TRHDE: variants seen among roughly 807,000 people sequenced by gnomAD.
TRHDE encodes the protein thyrotropin-releasing hormone-degrading ectoenzyme.
Under a neutral mutation model 125.7 loss-of-function variants are expected in TRHDE, and 72 were observed. The observed-to-expected ratio is 0.57, with a 90% CI of 0.47 to 0.70. The LOEUF is 0.70. TRHDE is among the 30% of genes least tolerant of loss of function. TRHDE has a pLI of 0.00. For missense variants in TRHDE, 1,110 were observed against 1,327.1 expected (o/e 0.84, Z 2.54); for synonymous variants, 509 against 509.1 (o/e 1.00, Z 0.00).
At chr12:72,640,377 T>C (rs932436608) in intron 15 of TRHDE, among the ~76,000 whole-genome samples, 4 of 152,206 alleles carry the variant, frequency 2.6e-5, no homozygotes, top group Admixed American at 2.0e-4. Context: ...GCACGGTGCG[T>C]GCACCCACTG....
At chr12:72,637,917 C>T (rs1873839599) in intron 15 of TRHDE, among the ~76,000 whole-genome samples, 2 of 152,090 alleles carry the variant, frequency 1.3e-5, no homozygotes, top group South Asian at 4.1e-4. Flanking sequence ...GAGAGCTTTA[C>T]TTCCAAGTAT....
At chr12:72,642,038 A>G (rs1029387650) in intron 15 of TRHDE, among the ~76,000 whole-genome samples, 2 of 152,192 alleles carry the variant, frequency 1.3e-5, no homozygotes, top group Admixed American at 6.5e-5. Flanking sequence ...TGTTTCTGCC[A>G]CGTGAGAATG....
intron 4 of TRHDE, among the ~76,000 whole-genome samples, chr12:72,471,339 C>T (rs557723186): frequency 2.6e-5 from 4 of 152,022 alleles, no homozygotes; most frequent in South Asian, 2.1e-4. Flanking sequence ...TGGTTTTGAC[C>T]GAATATCATG....
At chr12:72,296,938 T>G (rs2135680961) in intron 2 of TRHDE, among the ~76,000 whole-genome samples, 1 of 152,270 alleles carries the variant, frequency 6.6e-6, no homozygotes, top group Admixed American at 6.5e-5. Flanking sequence ...TCCAAGGAGC[T>G]TTAGATTATG....
At chr12:72,616,685 C>T (rs566304734) in intron 12 of TRHDE, among the ~76,000 whole-genome samples, 20 of 152,100 alleles carry the variant, frequency 1.3e-4, no homozygotes, top group Middle Eastern at 3.4e-3. Context: ...TTATGGGAAA[C>T]GAGATTCAAG....
chr12:72,497,007 C>A (rs1339785015), intron 5 of TRHDE, among the ~76,000 whole-genome samples: 1 of 152,086 alleles, frequency 6.6e-6, no homozygotes, highest in Non-Finnish European at 1.5e-5. Context: ...ATTAGCTATT[C>A]TGGGCTTTGT....
chr12:72,485,746 A>G (rs1325873644), intron 5 of TRHDE, among the ~76,000 whole-genome samples: 1 of 152,126 alleles, frequency 6.6e-6, no homozygotes, highest in Non-Finnish European at 1.5e-5. Flanking sequence ...TGGGGCTGAG[A>G]AGATGTAACA....
intron 2 of TRHDE, among the ~76,000 whole-genome samples, chr12:72,109,576 G>T (rs745523390): frequency 6.6e-6 from 1 of 151,926 alleles, no homozygotes; most frequent in Non-Finnish European, 1.5e-5. Flanking sequence ...TTTCTCTAGT[G>T]GTGACAAAAT....
intron 2 of TRHDE, among the ~76,000 whole-genome samples, chr12:72,171,615 A>G (rs1476708259): frequency 2.0e-5 from 3 of 152,120 alleles, no homozygotes. Context: ...GTTGCTGCCT[A>G]GAAGTTGTCA....
intron 2 of TRHDE, among the ~76,000 whole-genome samples, chr12:72,199,756 A>T (rs1366104025): frequency 1.3e-5 from 2 of 152,182 alleles, no homozygotes; most frequent in Non-Finnish European, 2.9e-5. Context: ...TTTGTTCATT[A>T]TTCATTCAGT....
At chr12:72,489,774 G>A (rs570272854) in intron 5 of TRHDE, among the ~76,000 whole-genome samples, 1 of 151,676 alleles carries the variant, frequency 6.6e-6, no homozygotes, top group African/African-American at 2.4e-5. Flanking sequence ...ATGGTGCTGA[G>A]AAAGCTAGAT....
At chr12:72,511,812 C>G (rs1037168709) in intron 6 of TRHDE, among the ~76,000 whole-genome samples, 1 of 152,076 alleles carries the variant, frequency 6.6e-6, no homozygotes, top group Non-Finnish European at 1.5e-5. Context: ...GCACTTCTCC[C>G]CATTATATGT....
chr12:72,616,056 G>T (rs1872799871), intron 12 of TRHDE, among the ~76,000 whole-genome samples: 1 of 152,150 alleles, frequency 6.6e-6, no homozygotes, highest in Non-Finnish European at 1.5e-5. Context: ...CAAAGAAGAA[G>T]AGAAGAGCAT....
chr12:72,536,765 G>C (rs1212800019), intron 6 of TRHDE, among the ~76,000 whole-genome samples: 3 of 151,916 alleles, frequency 2.0e-5, no homozygotes, highest in Non-Finnish European at 4.4e-5. Context: ...ATGTCTCCTA[G>C]ACCATAAACA....
chr12:72,413,752 A>G (rs1328184705), intron 3 of TRHDE, among the ~76,000 whole-genome samples: 1 of 152,048 alleles, frequency 6.6e-6, no homozygotes, highest in Non-Finnish European at 1.5e-5. Context: ...GAGCATCACC[A>G]TCCTCCAAAT....
chr12:72,261,953 T>A (rs1231307987), intron 2 of TRHDE, among the ~76,000 whole-genome samples: 1 of 152,058 alleles, frequency 6.6e-6, no homozygotes, highest in African/African-American at 2.4e-5. Flanking sequence ...TTGGAAAAAA[T>A]TTAATAAAGT....
chr12:72,134,272 C>A (rs1466287458), intron 2 of TRHDE, among the ~76,000 whole-genome samples: 1 of 152,090 alleles, frequency 6.6e-6, no homozygotes, highest in Non-Finnish European at 1.5e-5. Flanking sequence ...TATTAGGCTT[C>A]ATCCTACAAA....
intron 3 of TRHDE, among the ~76,000 whole-genome samples, chr12:72,412,657 C>T (rs1873561848): frequency 6.6e-6 from 1 of 151,986 alleles, no homozygotes; most frequent in Admixed American, 6.6e-5. Flanking sequence ...CCAGAAAGAA[C>T]TCGAGTGTAA....
At chr12:72,302,246 ATGTGTG>A (rs10581163) in intron 2 of TRHDE, among the ~76,000 whole-genome samples, 63 of 149,302 alleles carry the variant, frequency 4.2e-4, no homozygotes, top group African/African-American at 1.4e-3. Flanking sequence ...GTGTGTGTGT[ATGTGTG>A]TGTGTGTGTG....
Sources: allele counts gnomAD v4.1 joint callset (sites outside exome capture counted in the v4.1 genomes callset), GRCh38; gene constraint gnomAD v4.1.1; transcripts MANE v1.5; gene names NCBI Gene and HGNC (gene_info 2026-07-23, HGNC 2026-07-21).